Variants in ANK3 observed in about 807,000 individuals in gnomAD.
The protein encoded by ANK3 is ankyrin-3.
ANK3 carries 57 observed loss-of-function variants against 370.9 expected under a neutral mutation model. The observed-to-expected ratio is 0.15, with a 90% CI of 0.12 to 0.19. The LOEUF is 0.19. Ranked by LOEUF, ANK3 falls within the 10% of genes least tolerant of loss-of-function variation. ANK3 has a pLI of 1.00. For missense variants in ANK3, 4,439 were observed against 5,302.1 expected, an observed-to-expected ratio of 0.84 and a Z score of 5.06; for synonymous variants, 1,929 against 1,946.3, an observed-to-expected ratio of 0.99 and a Z score of 0.23.
At chr10:60,340,173 C>T (rs2053929321) in intron 1 of ANK3, among the ~76,000 whole-genome samples, 1 of 152,140 alleles carries the variant, frequency 6.6e-6, no homozygotes, top group Non-Finnish European at 1.5e-5. Flanking sequence ...GAGGGTGAGG[C>T]CCAGTAACCT....
intron 25 of ANK3, among the ~76,000 whole-genome samples, chr10:60,121,690 C>CAAA (rs56258116): frequency 4.2e-5 from 6 of 142,184 alleles, no homozygotes; most frequent in Non-Finnish European, 4.6e-5. Context: ...GACCCTTTCT[C>CAAA]AAAAAAAAAA....
chr10:60,604,564 G>A (rs549620866), intron 2 of ANK3, among the ~76,000 whole-genome samples: 1 of 152,252 alleles, frequency 6.6e-6, no homozygotes, highest in South Asian at 2.1e-4. Flanking sequence ...GCATAGCAAC[G>A]AATCTAAGCA....
intron 1 of ANK3, among the ~76,000 whole-genome samples, chr10:60,295,500 TA>T (rs1418777021): frequency 6.6e-6 from 1 of 152,202 alleles, no homozygotes; most frequent in African/African-American, 2.4e-5. Context: ...TGGCTACAAT[TA>T]TAACCATGAG....
intron 1 of ANK3, among the ~76,000 whole-genome samples, chr10:60,334,813 T>A (rs1406855724): frequency 6.6e-6 from 1 of 152,144 alleles, no homozygotes; most frequent in East Asian, 1.9e-4. Context: ...AATCTAAACT[T>A]GAGTTTTTTA....
intron 17 of ANK3, among the ~76,000 whole-genome samples, chr10:60,186,100 G>C (rs976902921): frequency 6.6e-6 from 1 of 152,158 alleles, no homozygotes; most frequent in Non-Finnish European, 1.5e-5. Flanking sequence ...AAACGGATGA[G>C]CAAGGAGCAG....
intron 2 of ANK3, among the ~76,000 whole-genome samples, chr10:60,591,710 T>C (rs2077917319): frequency 6.6e-6 from 1 of 152,134 alleles, no homozygotes; most frequent in African/African-American, 2.4e-5. Flanking sequence ...AAAGAACAGG[T>C]GATACATATA....
chr10:60,099,209 T>C (rs548824237), intron 28 of ANK3, among the ~76,000 whole-genome samples: 1 of 152,218 alleles, frequency 6.6e-6, no homozygotes, highest in South Asian at 2.1e-4. Flanking sequence ...TTTTTCTCTC[T>C]CTTGGGTATG....
intron 2 of ANK3, among the ~76,000 whole-genome samples, chr10:60,521,398 A>G (rs1216482455): frequency 6.6e-6 from 1 of 152,170 alleles, no homozygotes; most frequent in Non-Finnish European, 1.5e-5. Context: ...CCTAGAAGCT[A>G]TTAGCTACTT....
chr10:60,391,322 C>T (rs2063084923), upstream of ANK3, among the ~76,000 whole-genome samples: 1 of 152,122 alleles, frequency 6.6e-6, no homozygotes, highest in South Asian at 2.1e-4. Flanking sequence ...GAAAGTTTCT[C>T]CATTGCCTAT....
chr10:60,136,062 T>C (rs1379969344), intron 24 of ANK3, among the ~76,000 whole-genome samples: 1 of 151,894 alleles, frequency 6.6e-6, no homozygotes, highest in Non-Finnish European at 1.5e-5. Context: ...TCAGGCCCTC[T>C]GTGCCCAATC....
At chr10:60,227,867 G>C (rs1478848435) in intron 8 of ANK3, among the ~76,000 whole-genome samples, 1 of 151,996 alleles carries the variant, frequency 6.6e-6, no homozygotes, top group Non-Finnish European at 1.5e-5. Context: ...TCATCTGTGG[G>C]TTTGTTTCTA....
rs186519830 is a variant in ANK3, at chr10:60,581,121, T to A, written c.96+34065A>T. 2.6e-3 allele frequency among the ~76,000 whole-genome samples: 390 copies of A among 152,350 alleles called. 1 individual carries two copies. Among genetic ancestry groups the A allele is most frequent in the Middle Eastern group, 6.8e-3 (2 of 294 alleles). Reference sequence around the variant, plus strand: ...GACGAGGTGCATTATAAATACCATCTGAATCAACAAATTGACAAGCAACAG... The same window carrying A: ...GACGAGGTGCATTATAAATACCATCAGAATCAACAAATTGACAAGCAACAG... On this transcript the variant is annotated intron_variant, in intron 2 of 43. Transcript: ENST00000373827.
At chr10:60,244,498 T>C (rs554232436) in intron 7 of ANK3, among the ~76,000 whole-genome samples, 71 of 152,208 alleles carry the variant, frequency 4.7e-4, no homozygotes, top group Non-Finnish European at 9.6e-4. Context: ...TTACCACTTG[T>C]CATAATTTTT....
At chr10:60,650,382 AAAAAAT>A (rs1159818453) in intron 1 of ANK3, among the ~76,000 whole-genome samples, 70 of 144,190 alleles carry the variant, frequency 4.9e-4, no homozygotes, top group African/African-American at 8.5e-4. Context: ...AAAAAAAAAA[AAAAAAT>A]TTACAAGCTC....
At chr10:60,263,758 G>C in intron 6 of ANK3, 77 bp downstream of exon 6, 1 of 1,546,658 alleles carries the variant, frequency 6.5e-7, no homozygotes, top group Non-Finnish European at 8.9e-7. Context: ...TTGCGAAGAG[G>C]GAGACCGGGT....
intron 26 of ANK3, among the ~76,000 whole-genome samples, chr10:60,111,413 T>C (rs2092698742): frequency 6.6e-6 from 1 of 152,202 alleles, no homozygotes; most frequent in South Asian, 2.1e-4. Flanking sequence ...ACATGGGTCC[T>C]ATTATTTAAT....
At position 60,195,444 on chromosome 10, in the gene ANK3, C is replaced by CCAA. The variant is rs2096571968; in HGVS notation, c.1887+698_1887+700dup. Among the ~76,000 whole-genome samples, 10 of 150,986 alleles carry CCAA rather than the reference C, an allele frequency of 6.6e-5. No homozygotes were observed. In the South Asian group the frequency reaches 2.1e-3, roughly 32 times the overall value. ...TAAGGGATACTCAATGGTCCTCCAA[C>CCAA]CAATAGTGTTTAGCGAAATAACTGA... On this transcript the variant is annotated intron_variant, in intron 16 of 43. Transcript: ENST00000280772.
intron 1 of ANK3, among the ~76,000 whole-genome samples, chr10:60,330,682 T>A (rs1482104369): frequency 1.3e-5 from 2 of 152,176 alleles, no homozygotes; most frequent in African/African-American, 4.8e-5. Flanking sequence ...TGTAAATTAG[T>A]TCAACCATTG....
chr10:60,431,382 G>A (rs6479712), intron 2 of ANK3, among the ~76,000 whole-genome samples: 55,390 of 151,906 alleles, frequency 0.36, 10,412 homozygotes, highest in South Asian at 0.42. Flanking sequence ...GACAGGAGGC[G>A]GAGCTCAGGT....
Sources: allele counts gnomAD v4.1 joint callset (sites outside exome capture counted in the v4.1 genomes callset), GRCh38; gene constraint gnomAD v4.1.1; transcripts MANE v1.5; gene names NCBI Gene and HGNC (gene_info 2026-07-23, HGNC 2026-07-21).